Variants in PLXNA4 observed in about 807,000 individuals in gnomAD.
The protein encoded by PLXNA4 is plexin-A4.
In PLXNA4, 44 loss-of-function variants were observed where a neutral mutation model predicts 191.8. The ratio of observed to expected loss-of-function variants is 0.23; its 90% CI spans 0.18 to 0.29. The LOEUF is 0.29. Ranked by LOEUF, PLXNA4 falls within the 10% of genes least tolerant of loss-of-function variation. The pLI, the probability that PLXNA4 is intolerant of heterozygous loss-of-function variation, is 1.00. For missense variants in PLXNA4, 1,800 were observed against 2,488.8 expected (o/e 0.72, Z 5.89); for synonymous variants, 1,082 against 1,009.5 (o/e 1.07, Z -1.36).
At chr7:132,315,096 C>T (rs926285262) in intron 3 of PLXNA4, among the ~76,000 whole-genome samples, 2 of 152,138 alleles carry the variant, frequency 1.3e-5, no homozygotes, top group Non-Finnish European at 2.9e-5. Flanking sequence ...TTGACTTTTC[C>T]ATTTGGCACC....
chr7:132,625,179 C>G (rs186913871), intron 2 of PLXNA4, among the ~76,000 whole-genome samples: 1 of 152,232 alleles, frequency 6.6e-6, no homozygotes, highest in East Asian at 1.9e-4. Context: ...GGGTACAGAC[C>G]GATGACTTCA....
chr7:132,318,534 C>T (rs1354188792), intron 3 of PLXNA4, among the ~76,000 whole-genome samples: 1 of 152,140 alleles, frequency 6.6e-6, no homozygotes, highest in African/African-American at 2.4e-5. Flanking sequence ...ACTCTCCCTC[C>T]CCACCCCCTG....
intron 3 of PLXNA4, among the ~76,000 whole-genome samples, chr7:132,316,892 G>A (rs963684636): frequency 6.6e-6 from 1 of 152,190 alleles, no homozygotes; most frequent in African/African-American, 2.4e-5. Flanking sequence ...ACTGCCTGTT[G>A]CTTGAGCCTA....
At chr7:132,247,650 C>T (rs1799105854) in intron 4 of PLXNA4, among the ~76,000 whole-genome samples, 1 of 152,178 alleles carries the variant, frequency 6.6e-6, no homozygotes, top group Admixed American at 6.5e-5. Flanking sequence ...CTCCACCCGC[C>T]TTCATCTCCT....
At chr7:132,177,722 A>G (rs1001459737) in intron 20 of PLXNA4, among the ~76,000 whole-genome samples, 2 of 152,220 alleles carry the variant, frequency 1.3e-5, no homozygotes, top group African/African-American at 4.8e-5. Context: ...TGCCACACAT[A>G]AAAGAGATTC....
At position 132,627,475 on chromosome 7, in the gene PLXNA4, GTTGTC is replaced by G. The variant is rs532598793; in HGVS notation, c.-87+18448_-87+18452del. Among the ~76,000 whole-genome samples, 831 of 152,074 alleles carry G rather than the reference GTTGTC, an allele frequency of 5.5e-3. 7 individuals carry two copies. The highest frequency in any genetic ancestry group is 0.027 in the Middle Eastern group (8 of 294). The stretch of plus-strand genomic sequence containing the variant: ...TGTACAGTTTTGTTTGTTTTCCAAG[GTTGTC>G]TTATTTGCTTAGTTTTTATGTAGCC... On this transcript the variant is annotated intron_variant, in intron 2 of 4. Transcript: ENST00000378539.
chr7:132,191,794 C>T (rs994101796), intron 14 of PLXNA4, among the ~76,000 whole-genome samples: 3 of 151,390 alleles, frequency 2.0e-5, no homozygotes, highest in Non-Finnish European at 4.4e-5. Context: ...CTCTCTCTCT[C>T]TGTCTCTATG....
At position 132,425,749 on chromosome 7, in the gene PLXNA4, G is replaced by A. The variant is rs149807051; in HGVS notation, c.1371+63543C>T. 9.6e-3 allele frequency among the ~76,000 whole-genome samples: 1,465 copies of A among 152,356 alleles called. 15 individuals carry two copies. The highest frequency in any genetic ancestry group is 0.037 in the Middle Eastern group (11 of 294). On this transcript the variant is annotated intron_variant, in intron 3 of 31. Transcript: ENST00000321063. ...AAAGAAACATTTGAGGAAACTGAGA[G>A]AAAGGAACCAAAGCCAAATTCCAGA... is the stretch of plus-strand genomic sequence containing the variant.
intron 3 of PLXNA4, among the ~76,000 whole-genome samples, chr7:132,365,333 G>C (rs138933015): frequency 1.8e-5 from 2 of 111,562 alleles, no homozygotes; most frequent in East Asian, 4.8e-4. Flanking sequence ...GCCCGCGTGT[G>C]TGTGTGTGTG....
At chr7:132,521,659 A>T (rs1003951403) in intron 1 of PLXNA4, among the ~76,000 whole-genome samples, 1 of 152,172 alleles carries the variant, frequency 6.6e-6, no homozygotes, top group Non-Finnish European at 1.5e-5. Context: ...TTGTGCCAGC[A>T]ACACCTGGGC....
At chr7:132,397,110 C>T (rs1441904281) in intron 3 of PLXNA4, among the ~76,000 whole-genome samples, 1 of 152,214 alleles carries the variant, frequency 6.6e-6, no homozygotes, top group Admixed American at 6.5e-5. Context: ...AAGCCTTCTC[C>T]GCATCTCAGC....
At chr7:132,272,922 A>G (rs1000735720) in intron 4 of PLXNA4, among the ~76,000 whole-genome samples, 1 of 152,150 alleles carries the variant, frequency 6.6e-6, no homozygotes, top group Admixed American at 6.5e-5. Flanking sequence ...CGGTTGTCAC[A>G]CTTAACTCAT....
chr7:132,258,897 AT>A (rs1306968226), intron 4 of PLXNA4, among the ~76,000 whole-genome samples: 1 of 152,226 alleles, frequency 6.6e-6, no homozygotes, highest in Non-Finnish European at 1.5e-5. Flanking sequence ...GTTACATCCA[AT>A]TTGAAGAAAA....
chr7:132,584,634 T>A (rs1484114009), intron 2 of PLXNA4, among the ~76,000 whole-genome samples: 2 of 152,212 alleles, frequency 1.3e-5, no homozygotes, highest in African/African-American at 2.4e-5. Flanking sequence ...TTCGTGTATA[T>A]CTTTGCATAT....
chr7:132,407,002 A>G (rs1271120274), intron 3 of PLXNA4, among the ~76,000 whole-genome samples: 1 of 152,224 alleles, frequency 6.6e-6, no homozygotes, highest in Non-Finnish European at 1.5e-5. Flanking sequence ...TTCCACTTTC[A>G]TAAGAACCCT....
chr7:132,201,800 T>C (rs935725153), intron 12 of PLXNA4, among the ~76,000 whole-genome samples: 2 of 152,186 alleles, frequency 1.3e-5, no homozygotes, highest in Admixed American at 1.3e-4. Context: ...ACTACTTAAA[T>C]GAACTCCAGG....
chr7:132,174,737 G>C (rs7808586), intron 21 of PLXNA4, 41 bp downstream of exon 21: 1 of 1,589,570 alleles, frequency 6.3e-7, no homozygotes, highest in African/African-American at 1.3e-5. Flanking sequence ...TTGCCAACAC[G>C]CTCCCCTGCT....
intron 1 of PLXNA4, among the ~76,000 whole-genome samples, chr7:132,510,280 C>T (rs1027013528): frequency 2.6e-5 from 4 of 152,176 alleles, no homozygotes; most frequent in Admixed American, 2.0e-4. Context: ...GGAGCAAACG[C>T]TAGGTCAGAT....
chr7:132,489,146 T>C, intron 3 of PLXNA4, 146 bp downstream of exon 3: 1 of 805,164 alleles, frequency 1.2e-6, no homozygotes, highest in South Asian at 2.2e-5. Context: ...ATGATCATCA[T>C]GACCTCAACA....
Sources: gnomAD v4.1 joint callset for allele counts (sites outside exome capture counted in the v4.1 genomes callset) on GRCh38, gnomAD v4.1.1 for gene constraint, MANE v1.5 for transcripts, NCBI Gene and HGNC (gene_info 2026-07-23, HGNC 2026-07-21) for gene names.